The following SMIM35 variants were observed in gnomAD, a reference collection of about 807,000 sequenced individuals.
The protein encoded by SMIM35 is TMPRSS4 antisense RNA 1 (non-protein coding).
intron 1 of SMIM35, among the ~76,000 whole-genome samples, chr11:118,066,306 C>T (rs1246783227): frequency 6.6e-6 from 1 of 152,068 alleles, no homozygotes; most frequent in Non-Finnish European, 1.5e-5. Flanking sequence ...ATTGCTCTGC[C>T]CTCCTGGCTG....
chr11:118,082,012 C>T (rs1945172307), intron 1 of SMIM35, among the ~76,000 whole-genome samples: 1 of 152,168 alleles, frequency 6.6e-6, no homozygotes, highest in African/African-American at 2.4e-5. Context: ...CCATCTCCAC[C>T]CTGACATCAC....
At chr11:118,045,261 C>T (rs1944079145) in intron 1 of SMIM35, among the ~76,000 whole-genome samples, 1 of 151,680 alleles carries the variant, frequency 6.6e-6, no homozygotes, top group African/African-American at 2.4e-5. Context: ...ATCAATTCCA[C>T]GTTTTAAAGA....
intron 1 of SMIM35, among the ~76,000 whole-genome samples, chr11:118,023,278 T>C (rs981590275): frequency 3.3e-5 from 5 of 152,086 alleles, no homozygotes; most frequent in Admixed American, 6.5e-5. Flanking sequence ...AGCCTCAATT[T>C]CATGTGTGTG....
In SMIM35 at chr11:118,015,514, CA is replaced by C. The variant is rs541201818; in HGVS notation, c.124+178del. Among the ~76,000 whole-genome samples the C allele has an allele frequency of 3.9e-5, 6 of 152,332 alleles. No homozygotes were observed. In the South Asian group the frequency reaches 8.3e-4, roughly 21 times the overall value. ...TCCCTCGATAAAAGTACCATTGCCC[CA>C]CCTCACCACCTCAACTGCTCAGCCA... is the stretch of plus-strand genomic sequence containing the variant. On this transcript the variant is annotated intron_variant, in intron 2 of 4. Transcript: ENST00000689828.
intron 1 of SMIM35, among the ~76,000 whole-genome samples, chr11:118,062,454 G>A (rs543840193): frequency 3.5e-4 from 53 of 152,220 alleles, no homozygotes; most frequent in Non-Finnish European, 6.0e-4. Flanking sequence ...GGCCCTGCTG[G>A]AAGGCTCCTT....
At chr11:118,009,252 A>C (rs2058138721) in intron 4 of SMIM35, among the ~76,000 whole-genome samples, 1 of 152,154 alleles carries the variant, frequency 6.6e-6, no homozygotes, top group African/African-American at 2.4e-5. Context: ...TGGAGGGAGG[A>C]GTATGTTCTT....
Position 118,065,072 on chromosome 11 carries a change from T to C in SMIM35, c.7+21679A>G, listed in dbSNP as rs1010606492. ...TGACCAGATAAGGCCAGAATGCATA[T>C]TCCTGTCCTAAAGCGTGGCCCTGTA... On this transcript the variant is annotated intron_variant, in intron 1 of 4. Transcript: ENST00000689828. 3.3e-5 allele frequency among the ~76,000 whole-genome samples: 5 copies of C among 152,196 alleles called. No individual in the cohort carries two copies. In the East Asian group the frequency reaches 9.6e-4, roughly 29 times the overall value.
intron 1 of SMIM35, among the ~76,000 whole-genome samples, chr11:118,082,990 A>G (rs982282829): frequency 2.6e-5 from 4 of 152,068 alleles, no homozygotes; most frequent in Admixed American, 2.6e-4. Flanking sequence ...AGAGAGAAAA[A>G]CAGAGCTGCA....
chr11:118,057,608 GC>G (rs1264691400), intron 1 of SMIM35, among the ~76,000 whole-genome samples: 21 of 152,352 alleles, frequency 1.4e-4, no homozygotes, highest in African/African-American at 5.1e-4. Context: ...TGGCTGGCCT[GC>G]CCCAGGGCTG....
At chr11:118,085,043 C>T (rs1244974670) in intron 1 of SMIM35, among the ~76,000 whole-genome samples, 1 of 152,114 alleles carries the variant, frequency 6.6e-6, no homozygotes, top group Non-Finnish European at 1.5e-5. Context: ...TGGGGGCTTG[C>T]AAAGGTGCTG....
chr11:118,033,993 C>A (rs888592753), intron 1 of SMIM35, among the ~76,000 whole-genome samples: 3 of 152,146 alleles, frequency 2.0e-5, no homozygotes, highest in African/African-American at 7.2e-5. Flanking sequence ...ATAGGCCAGG[C>A]GCAGTGTCTC....
chr11:118,013,159 A>G (rs910302260), intron 4 of SMIM35, among the ~76,000 whole-genome samples: 1 of 152,254 alleles, frequency 6.6e-6, no homozygotes, highest in South Asian at 2.1e-4. Flanking sequence ...AGACCCCCTC[A>G]TTCTCCACAA....
At chr11:118,081,708 T>C (rs1367118565) in intron 1 of SMIM35, among the ~76,000 whole-genome samples, 1 of 152,238 alleles carries the variant, frequency 6.6e-6, no homozygotes, top group East Asian at 1.9e-4. Flanking sequence ...ACCAATGCTT[T>C]CAGCATATCC....
At chr11:118,075,671 C>T (rs604411) in intron 1 of SMIM35, among the ~76,000 whole-genome samples, 24,661 of 152,100 alleles carry the variant, frequency 0.16, 2,154 homozygotes, top group East Asian at 0.3. Context: ...CACAGAAGCA[C>T]GTTATCAACA....
chr11:118,019,981 C>A (rs191756588), intron 1 of SMIM35, among the ~76,000 whole-genome samples: 1 of 152,102 alleles, frequency 6.6e-6, no homozygotes, highest in East Asian at 1.9e-4. Flanking sequence ...TAATAAATCT[C>A]GGCTGGGCAT....
intron 1 of SMIM35, among the ~76,000 whole-genome samples, chr11:118,081,896 G>A (rs1291529221): frequency 6.6e-6 from 1 of 152,174 alleles, no homozygotes; most frequent in Non-Finnish European, 1.5e-5. Context: ...AGGAGCAGGG[G>A]AGACTGCTTT....
intron 1 of SMIM35, among the ~76,000 whole-genome samples, chr11:118,030,776 T>G (rs960721927): frequency 1.3e-5 from 2 of 151,932 alleles, no homozygotes; most frequent in Non-Finnish European, 2.9e-5. Context: ...TGAGGAGGGT[T>G]CTAGGTGGAG....
intron 1 of SMIM35, among the ~76,000 whole-genome samples, chr11:118,085,349 G>T (rs1021889911): frequency 6.6e-6 from 1 of 151,478 alleles, no homozygotes; most frequent in Non-Finnish European, 1.5e-5. Flanking sequence ...TCAGCCTCCC[G>T]AGTAGCTGGG....
At chr11:118,040,822 G>A (rs1417624358) in intron 1 of SMIM35, among the ~76,000 whole-genome samples, 1 of 152,030 alleles carries the variant, frequency 6.6e-6, no homozygotes, top group African/African-American at 2.4e-5. Context: ...TAGCACTAAG[G>A]GGTGGATGGG....
Sources: allele counts gnomAD v4.1 joint callset (sites outside exome capture counted in the v4.1 genomes callset), GRCh38; gene constraint gnomAD v4.1.1; transcripts MANE v1.5; gene names NCBI Gene and HGNC (gene_info 2026-07-23, HGNC 2026-07-21).